The following ERN1 variants were observed in gnomAD, a reference collection of about 807,000 sequenced individuals.
The protein encoded by ERN1 is serine/threonine-protein kinase/endoribonuclease IRE1.
Under a neutral mutation model 113.1 loss-of-function variants are expected in ERN1, and 39 were observed. That is an observed-to-expected ratio of 0.34 (90% confidence interval 0.27 to 0.45). ERN1 has a LOEUF of 0.45. ERN1 is among the 20% of genes least tolerant of loss of function. The pLI is 1.00. For synonymous variants in ERN1, 507 were observed against 515.9 expected, an observed-to-expected ratio of 0.98 and a Z score of 0.23; for missense variants, 976 against 1,274.8, an observed-to-expected ratio of 0.77 and a Z score of 3.57.
At chr17:64,109,586 C>T (rs1384613214) in intron 1 of ERN1, among the ~76,000 whole-genome samples, 2 of 152,214 alleles carry the variant, frequency 1.3e-5, no homozygotes, top group East Asian at 1.9e-4. Context: ...TAAGTCCATG[C>T]GGTTCCACAC....
chr17:64,073,594 C>A (rs555883689), intron 5 of ERN1, among the ~76,000 whole-genome samples: 6 of 152,138 alleles, frequency 3.9e-5, no homozygotes, highest in African/African-American at 1.4e-4. Flanking sequence ...AGGGTTCAAG[C>A]GATACTGCTG....
rs58544303 is a variant in ERN1, at chr17:64,106,715, TACACACACACAC to T, written c.55-8486_55-8475del. ...AGGACACCAGTCCTACAGGGTTTCT[TACACACACACAC>T]ACACACACACACACACACACACACA... On this transcript the variant is annotated intron_variant, in intron 1 of 21. Coordinates refer to ENST00000433197, the MANE Select transcript of ERN1 (RefSeq NM_001433.5). Among the ~76,000 whole-genome samples, 171 of 103,432 alleles carry T rather than the reference TACACACACACAC, an allele frequency of 1.7e-3. 1 individual carries two copies. The highest frequency in any genetic ancestry group is 5.0e-3 in the African/African-American group (136 of 27,002). 67.9% of individuals were successfully genotyped at this position (103,432 alleles called of 152,430 possible).
rs1912610699 is a variant in ERN1 at position 64,049,287 on chromosome 17, G to C, written c.2254-85C>G. Reference sequence around the variant, plus strand: ...TCAGGGAGGGAGGAGCATTGCTGCTGCTTCTGCCACCTAGAAGGTGTCCTG... The same window carrying C: ...TCAGGGAGGGAGGAGCATTGCTGCTCCTTCTGCCACCTAGAAGGTGTCCTG... On this transcript the variant is annotated intron_variant, in intron 17 of 21. Coordinates refer to ENST00000433197, the MANE Select transcript of ERN1 (RefSeq NM_001433.5). This position sits in a 1 kb window ranked among gnomAD's most constrained non-coding sequence, Gnocchi z 4.7. The C allele has an allele frequency of 1.5e-6, 2 of 1,367,482 alleles. No individual in the cohort carries two copies. Among genetic ancestry groups the C allele is most frequent in the Non-Finnish European group, 2.0e-6 (2 of 1,015,730 alleles). 84.7% of individuals were successfully genotyped at this position (1,367,482 alleles called of 1,614,324 possible). A position where few individuals can be genotyped will look rare whatever the true frequency, so the allele number is the denominator to read the frequency against.
At chr17:64,086,637 CTTTTTTTTTTTTTT>C (rs773655917) in intron 2 of ERN1, among the ~76,000 whole-genome samples, 22 of 47,604 alleles carry the variant, frequency 4.6e-4, no homozygotes, top group African/African-American at 1.7e-3. Context: ...CTTTTCTTTC[CTTTTTTTTTTTTTT>C]TTTTTTTTTT....
intron 1 of ERN1, among the ~76,000 whole-genome samples, chr17:64,100,122 A>T (rs1396275868): frequency 1.3e-5 from 2 of 152,134 alleles, no homozygotes; most frequent in Admixed American, 1.3e-4. Context: ...TTCAGCCCAG[A>T]GGGTCCAGAT....
chr17:64,071,386 G>C (rs1295808067), intron 6 of ERN1, among the ~76,000 whole-genome samples: 1 of 152,094 alleles, frequency 6.6e-6, no homozygotes, highest in Non-Finnish European at 1.5e-5. Flanking sequence ...GCTATTCTGG[G>C]AGCTGCAGGT....
At position 64,063,758 on chromosome 17, in the gene ERN1, C is replaced by T. The variant is rs1353639123; in HGVS notation, c.1087+228G>A. Among the ~76,000 whole-genome samples, 1 of 152,160 alleles carries T rather than the reference C, an allele frequency of 6.6e-6. No individual in the cohort carries two copies. Among genetic ancestry groups the T allele is most frequent in the Non-Finnish European group, 1.5e-5 (1 of 68,028 alleles). On this transcript the variant is annotated intron_variant, in intron 10 of 21. Transcript: ENST00000433197. This position sits in a 1 kb window ranked among gnomAD's most constrained non-coding sequence, Gnocchi z 5.1. Reference sequence around the variant, plus strand: ...ACACAAGGTTTACATTAATTTAGTACCTGAGTTTTGGAACATTAAACAGTT... The same window carrying T: ...ACACAAGGTTTACATTAATTTAGTATCTGAGTTTTGGAACATTAAACAGTT...
At chr17:64,110,478 G>A (rs908747284) in intron 1 of ERN1, among the ~76,000 whole-genome samples, 9 of 152,156 alleles carry the variant, frequency 5.9e-5, no homozygotes, top group African/African-American at 2.2e-4. Flanking sequence ...TTTAAAAAAT[G>A]TCCTTTGATG....
chr17:64,080,929 A>G (rs1236672346), intron 2 of ERN1, 121 bp from the exon 3 acceptor site: 59 of 891,334 alleles, frequency 6.6e-5, no homozygotes, highest in Non-Finnish European at 1.1e-5. Flanking sequence ...GTTAACCTAC[A>G]TGGGCTAGTG....
intron 6 of ERN1, among the ~76,000 whole-genome samples, chr17:64,068,569 A>T (rs1319704197): frequency 6.6e-6 from 1 of 152,232 alleles, no homozygotes; most frequent in East Asian, 1.9e-4. Context: ...TGTTGTTGTT[A>T]GCCATTAAGC....
chr17:64,039,927 G>C lies in ERN1; in HGVS notation c.*4061C>G, dbSNP rs77631112. The C allele has an allele frequency of 6.6e-6, 1 of 152,050 alleles. No individual in the cohort carries two copies. Among genetic ancestry groups the C allele is most frequent in the Non-Finnish European group, 1.5e-5 (1 of 68,008 alleles). The allele number at this position is 152,050 out of a possible 1,614,324, so 9.4% of individuals were successfully genotyped here. ...CGTCTACAGAAAGAATTTAAGCGCC[G>C]GTACAAAAAATCAGAACCAGAGTTA... On this transcript the variant is annotated 3_prime_UTR_variant, in exon 22 of 22. Coordinates refer to ENST00000433197, the MANE Select transcript of ERN1 (RefSeq NM_001433.5).
At chr17:64,102,394 C>G (rs182017291) in intron 1 of ERN1, among the ~76,000 whole-genome samples, 2 of 152,306 alleles carry the variant, frequency 1.3e-5, no homozygotes, top group Admixed American at 1.3e-4. Flanking sequence ...AGAATTCTGT[C>G]AATCACAATG....
chr17:64,061,545 G>C (rs930378786), intron 10 of ERN1, among the ~76,000 whole-genome samples: 1 of 152,186 alleles, frequency 6.6e-6, no homozygotes, highest in African/African-American at 2.4e-5. Flanking sequence ...ATTCCTCTTT[G>C]AGTTCCCATC....
Position 64,065,305 on chromosome 17 carries a change from A to C in ERN1, c.843-18T>G. The C allele has an allele frequency of 6.4e-7, 1 of 1,556,456 alleles. No individual in the cohort carries two copies. Among genetic ancestry groups the C allele is most frequent in the Non-Finnish European group, 8.8e-7 (1 of 1,139,132 alleles). ...GAGTGGGCCTAGGAGAAAAACAGAT[A>C]CATGCATTCCAGAGTCATTGAATTT... On this transcript the variant is annotated intron_variant, in intron 8 of 21. Coordinates refer to ENST00000433197, the MANE Select transcript of ERN1 (RefSeq NM_001433.5).
chr17:64,060,623 T>C, intron 10 of ERN1, 36 bp from the exon 11 acceptor site: 1 of 1,502,426 alleles, frequency 6.7e-7, no homozygotes, highest in Non-Finnish European at 9.3e-7. Flanking sequence ...TGAGAACAAT[T>C]TCCCGAGCTG....
rs1912454115 is a variant in ERN1 at position 64,044,642 on chromosome 17, C to T, written c.2721+218G>A. The stretch of plus-strand genomic sequence containing the variant: ...CATGAGGGACATGGGCCGCAGAGCA[C>T]TGCTTCCCGGAGCTTCACCTGCACC... On this transcript the variant is annotated intron_variant, in intron 21 of 21. Transcript: ENST00000433197. The surrounding 1 kb of genome is among the most constrained non-coding windows in gnomAD (Gnocchi z 4.1). 6.6e-6 allele frequency among the ~76,000 whole-genome samples: 1 copy of T among 152,242 alleles called. No individual in the cohort carries two copies. The highest frequency in any genetic ancestry group is 6.5e-5 in the Admixed American group (1 of 15,288).
intron 17 of ERN1, among the ~76,000 whole-genome samples, chr17:64,050,851 T>C (rs1479892517): frequency 6.6e-6 from 1 of 152,208 alleles, no homozygotes; most frequent in Non-Finnish European, 1.5e-5. Context: ...ACTTCTTTGA[T>C]GATCTGACCA....
chr17:64,058,090 T>A (rs1912936278), intron 11 of ERN1, 97 bp from the exon 12 acceptor site: 1 of 914,012 alleles, frequency 1.1e-6, no homozygotes, highest in Non-Finnish European at 1.6e-6. Flanking sequence ...TACAAGGATA[T>A]GACTGTACTG....
chr17:64,060,687 A>G (rs1466797277), intron 10 of ERN1, 100 bp from the exon 11 acceptor site: 5 of 775,296 alleles, frequency 6.4e-6, no homozygotes, highest in Non-Finnish European at 4.5e-6. Flanking sequence ...TGAGGGGTCC[A>G]CAATGCAAAC....
Sources: allele counts gnomAD v4.1 joint callset (sites outside exome capture counted in the v4.1 genomes callset), GRCh38; gene constraint gnomAD v4.1.1; non-coding constraint Gnocchi (gnomAD v3.1); transcripts MANE v1.5; gene names NCBI Gene and HGNC (gene_info 2026-07-23, HGNC 2026-07-21).